Variants in ZKSCAN5 observed in about 807,000 individuals in gnomAD.
ZKSCAN5 encodes the protein zinc finger protein with KRAB and SCAN domains 5.
ZKSCAN5 carries 28 observed loss-of-function variants against 60.0 expected under a neutral mutation model. The ratio of observed to expected loss-of-function variants is 0.47; its 90% CI spans 0.35 to 0.64. The LOEUF (loss-of-function observed/expected upper bound fraction) is 0.64, where lower values mean the gene tolerates loss of function less well. Among genes scored for constraint, ZKSCAN5 ranks in the 30% least tolerant of loss-of-function variants. ZKSCAN5 has a pLI of 0.01. For missense variants in ZKSCAN5, 881 were observed against 1,034.6 expected, an observed-to-expected ratio of 0.85 and a Z score of 2.04; for synonymous variants, 361 against 371.2, an observed-to-expected ratio of 0.97 and a Z score of 0.31.
rs917606472 is a variant in ZKSCAN5, at chr7:99,533,793, C to T, written c.*1544C>T. 2.5e-5 allele frequency: 10 copies of T among 396,242 alleles called. 1 individual carries two copies. The highest frequency in any genetic ancestry group is 1.1e-4 in the East Asian group (3 of 27,894). The allele number at this position is 396,242 out of a possible 1,614,324, so 24.5% of individuals were successfully genotyped here. A position where few individuals can be genotyped will look rare whatever the true frequency, so the allele number is the denominator to read the frequency against. ...CCTGTTTCATTCCCTCCCTCAAAGG[C>T]GTTTCCCAAATAAATCACACTGTCA... On this transcript the variant is annotated 3_prime_UTR_variant, in exon 7 of 7. Transcript: ENST00000326775.
intron 2 of ZKSCAN5, among the ~76,000 whole-genome samples, chr7:99,508,562 A>G (rs906565032): frequency 1.3e-5 from 2 of 151,868 alleles, no homozygotes; most frequent in African/African-American, 4.8e-5. Context: ...CATCCGGGCC[A>G]ACATGGTGAA....
intron 3 of ZKSCAN5, among the ~76,000 whole-genome samples, chr7:99,519,540 G>A (rs1357592504): frequency 6.6e-6 from 1 of 152,118 alleles, no homozygotes; most frequent in Non-Finnish European, 1.5e-5. Context: ...ACCTCCCAAA[G>A]TGCTGGTATT....
At position 99,526,079 on chromosome 7, in the gene ZKSCAN5, A is replaced by G; in HGVS notation, c.1039A>G (p.Arg347Gly). The G allele has an allele frequency of 6.2e-7, 1 of 1,614,238 alleles. No homozygotes were observed. The highest frequency in any genetic ancestry group is 8.5e-7 in the Non-Finnish European group (1 of 1,180,044). ...KQSTHGERGH[R>G]CSDCGKFFLQ... ...AAGCACACATGGCGAGAGAGGGCAC[A>G]GATGCAGCGATTGTGGCAAATTCTT... The change falls in exon 6 of 7, where the codon AGA (arginine) becomes GGA (glycine). Residue 347 changes from arginine (R) to glycine (G), a missense_variant. Arg to Gly is a moderately radical substitution (Grantham distance 125). Around this residue, in one of 5 missense-constraint regions of ZKSCAN5, gnomAD observed 490 missense variants for 554.5 expected, o/e 0.88. Coordinates refer to ENST00000326775, the MANE Select transcript of ZKSCAN5 (RefSeq NM_145102.4).
intron 2 of ZKSCAN5, among the ~76,000 whole-genome samples, chr7:99,507,419 A>G (rs1195645316): frequency 1.3e-5 from 2 of 151,726 alleles, no homozygotes; most frequent in African/African-American, 4.8e-5. Context: ...GTGTGTATGT[A>G]ATATACATAA....
At chr7:99,508,939 G>A (rs1428372604) in intron 2 of ZKSCAN5, among the ~76,000 whole-genome samples, 7 of 151,526 alleles carry the variant, frequency 4.6e-5, no homozygotes, top group Admixed American at 4.6e-4. Context: ...CTCCCAAGTG[G>A]CTGGGATTAC....
At chr7:99,522,665 T>C (rs148753121) in intron 5 of ZKSCAN5, among the ~76,000 whole-genome samples, 1,768 of 151,704 alleles carry the variant, frequency 0.012, 27 homozygotes, top group Admixed American at 0.019. Context: ...TTTTCTGTTT[T>C]TAGTAGAGAT....
chr7:99,512,470 T>C lies in ZKSCAN5; in HGVS notation c.432T>C (p.Asp144=). Residue 144 remains aspartate, a synonymous_variant, in exon 3 of 7, where the codon GAT becomes GAC. Coordinates refer to ENST00000326775, the MANE Select transcript of ZKSCAN5 (RefSeq NM_145102.4). ...GTTGTTAGATTGTTGCCTGCCCTGATGTGCTTCCTCGGAAGATGGCAACAC... is the reference window on the plus strand; with the variant it reads ...GTTGTTAGATTGTTGCCTGCCCTGACGTGCTTCCTCGGAAGATGGCAACAC... ...ERRQQIVACP[D]VLPRKMATPG... is the part of the protein sequence containing the mutation. The C allele has an allele frequency of 6.2e-7, 1 of 1,613,754 alleles. No individual in the cohort carries two copies. The highest frequency in any genetic ancestry group is 8.5e-7 in the Non-Finnish European group (1 of 1,179,786).
rs1270840180 is a variant in ZKSCAN5 at position 99,506,134 on chromosome 7, G to GGAA, written c.99_101dup (p.Glu33dup). On this transcript the variant is annotated inframe_insertion, in exon 2 of 7. Transcript: ENST00000326775. ...AGGAAGACCTTTTCATAGTGAAGGT[G>GGAA]GAAGAAGAAGACTGCACCTGGATGC... 3.1e-6 allele frequency: 5 copies of GGAA among 1,614,164 alleles called. No individual in the cohort carries two copies. Among genetic ancestry groups the GGAA allele is most frequent in the South Asian group, 2.2e-5 (2 of 91,086 alleles).
In ZKSCAN5 at chr7:99,507,551, A is replaced by ATGTG. The variant is rs1339945704; in HGVS notation, c.414+1096_414+1097insGTGT. The stretch of plus-strand genomic sequence containing the variant: ...TATGTGTATATATATATGTATATAT[A>ATGTG]TGTATATATATGTGTATATATATGT... On this transcript the variant is annotated intron_variant, in intron 2 of 6. Coordinates refer to ENST00000326775, the MANE Select transcript of ZKSCAN5 (RefSeq NM_145102.4). 4.7e-3 allele frequency among the ~76,000 whole-genome samples: 693 copies of ATGTG among 147,064 alleles called. 7 individuals are homozygous for ATGTG. The highest frequency in any genetic ancestry group is 0.016 in the African/African-American group (641 of 39,308).
chr7:99,534,341 G>A lies in ZKSCAN5; in HGVS notation c.*2092G>A, dbSNP rs922818589. On this transcript the variant is annotated 3_prime_UTR_variant, in exon 7 of 7. Transcript: ENST00000326775. ...AGCCACCTCAGCCTCCTGAATAGCTGGGACTACAGGCACATGCCACCATGA... is the reference window on the plus strand; with the variant it reads ...AGCCACCTCAGCCTCCTGAATAGCTAGGACTACAGGCACATGCCACCATGA... 6.6e-6 allele frequency: 1 copy of A among 152,146 alleles called. No individual in the cohort carries two copies. The highest frequency in any genetic ancestry group is 1.5e-5 in the Non-Finnish European group (1 of 68,116). The allele number at this position is 152,146 out of a possible 1,614,324, so 9.4% of individuals were successfully genotyped here.
Position 99,512,445 on chromosome 7 carries a change from G to C in ZKSCAN5, c.415-8G>C. ...ACTGTACTGATCGGTTTTGGTTGTG[G>C]TTGTTAGATTGTTGCCTGCCCTGAT... On this transcript the variant is annotated splice_region_variant and splice_polypyrimidine_tract_variant and intron_variant, in intron 2 of 6. Transcript: ENST00000326775. 6.2e-7 allele frequency: 1 copy of C among 1,612,972 alleles called. No individual in the cohort carries two copies. The highest frequency in any genetic ancestry group is 2.2e-5 in the East Asian group (1 of 44,810).
chr7:99,519,222 C>A (rs975691061), intron 3 of ZKSCAN5, among the ~76,000 whole-genome samples: 1 of 151,602 alleles, frequency 6.6e-6, no homozygotes, highest in Non-Finnish European at 1.5e-5. Context: ...GATCCTCCTG[C>A]CTCGGCCTCC....
chr7:99,506,705 C>T (rs960235810), intron 2 of ZKSCAN5, among the ~76,000 whole-genome samples: 2 of 152,138 alleles, frequency 1.3e-5, no homozygotes, highest in South Asian at 2.1e-4. Context: ...ATTTTTGAGA[C>T]GGAGTCTCGC....
chr7:99,513,074 G>A (rs1344968445), intron 3 of ZKSCAN5, among the ~76,000 whole-genome samples: 6 of 146,930 alleles, frequency 4.1e-5, no homozygotes, highest in African/African-American at 1.5e-4. Flanking sequence ...GAGAATATGC[G>A]GTGTTTGGTT....
rs1394937259 is a variant in ZKSCAN5 at position 99,526,432 on chromosome 7, G to A, written c.1378+14G>A. 6.3e-7 allele frequency: 1 copy of A among 1,588,960 alleles called. No homozygotes were observed. Among genetic ancestry groups the A allele is most frequent in the Non-Finnish European group, 8.5e-7 (1 of 1,173,794 alleles). On this transcript the variant is annotated intron_variant, in intron 6 of 6. Transcript: ENST00000326775. ...AATCCCAGAGATGTACGTGTGAGGA[G>A]TTTATATCCGGGGGATAAATGGAGG...
intron 2 of ZKSCAN5, among the ~76,000 whole-genome samples, chr7:99,510,961 C>A (rs1294485023): frequency 6.6e-6 from 1 of 152,064 alleles, no homozygotes; most frequent in Non-Finnish European, 1.5e-5. Flanking sequence ...CCAAGCTGGT[C>A]TCCAACTCCT....
chr7:99,517,719 C>T (rs926436039), intron 3 of ZKSCAN5, among the ~76,000 whole-genome samples: 4 of 149,832 alleles, frequency 2.7e-5, no homozygotes, highest in Admixed American at 1.3e-4. Flanking sequence ...TGGTGGTGGG[C>T]GCCTGTAATC....
At chr7:99,520,333 G>A in intron 5 of ZKSCAN5, 29 bp downstream of exon 5, 1 of 1,576,928 alleles carries the variant, frequency 6.3e-7, no homozygotes. Context: ...GCATGGATTA[G>A]GACATGTTTA....
chr7:99,518,298 G>A (rs1801357077), intron 3 of ZKSCAN5, among the ~76,000 whole-genome samples: 1 of 151,898 alleles, frequency 6.6e-6, no homozygotes, highest in Non-Finnish European at 1.5e-5. Context: ...GTGCACACCT[G>A]TAATCCTAGC....
Sources: gnomAD v4.1 joint callset for allele counts (sites outside exome capture counted in the v4.1 genomes callset) on GRCh38, gnomAD v4.1.1 for gene constraint, gnomAD v4.1.1 regional missense constraint, MANE v1.5 for transcripts, NCBI Gene and HGNC (gene_info 2026-07-23, HGNC 2026-07-21) for gene names.